PLAA: variants seen among roughly 807,000 people sequenced by gnomAD.
PLAA encodes phospholipase A2 activating protein, also known as phospholipase A-2-activating protein.
Under a neutral mutation model 84.1 loss-of-function variants are expected in PLAA, and 48 were observed. The ratio of observed to expected loss-of-function variants is 0.57; its 90% CI spans 0.45 to 0.73. The LOEUF is 0.73. Among genes scored for constraint, PLAA ranks in the 30% least tolerant of loss-of-function variants. PLAA has a pLI of 0.00. For missense variants in PLAA, 903 were observed against 954.7 expected (o/e 0.95, Z 0.71); for synonymous variants, 392 against 336.6 (o/e 1.16, Z -1.80).
At chr9:26,935,922 A>C (rs1054499580) in intron 1 of PLAA, among the ~76,000 whole-genome samples, 6 of 151,730 alleles carry the variant, frequency 4.0e-5, no homozygotes, top group Non-Finnish European at 7.4e-5. Context: ...TTGCACTGGG[A>C]TTAAAATGAT....
intron 11 of PLAA, 80 bp downstream of exon 11, chr9:26,913,798 CA>C: frequency 9.9e-7 from 1 of 1,006,510 alleles, no homozygotes; most frequent in African/African-American, 1.6e-5. Context: ...GAAAATGACA[CA>C]AATTTTCTTA....
chr9:26,916,543 T>C (rs889187321), intron 10 of PLAA: 21 of 987,068 alleles, frequency 2.1e-5, no homozygotes, highest in Non-Finnish European at 2.5e-5. Flanking sequence ...TTGGGTGGAA[T>C]GTCTCCTTCC....
chr9:26,936,903 G>A (rs1324666599), intron 1 of PLAA, among the ~76,000 whole-genome samples: 2 of 152,162 alleles, frequency 1.3e-5, no homozygotes, highest in Admixed American at 6.5e-5. Context: ...CACTTTGGGA[G>A]GCCGAGGTGG....
At chr9:26,920,419 T>C (rs956077808) in intron 7 of PLAA, 35 bp from the exon 8 acceptor site, 1 of 1,414,752 alleles carries the variant, frequency 7.1e-7, no homozygotes, top group African/African-American at 1.4e-5. Context: ...AAAGGTAGAA[T>C]GGCAATGTAA....
chr9:26,920,945 C>T (rs1249422837), intron 7 of PLAA, among the ~76,000 whole-genome samples: 2 of 152,024 alleles, frequency 1.3e-5, no homozygotes, highest in African/African-American at 2.4e-5. Flanking sequence ...TATATTCCAC[C>T]CAGCAACTTC....
chr9:26,945,056 G>A (rs201113133), intron 1 of PLAA, among the ~76,000 whole-genome samples: 1 of 152,192 alleles, frequency 6.6e-6, no homozygotes, highest in African/African-American at 2.4e-5. Flanking sequence ...GAACCCCGGA[G>A]GCGGAGGTTG....
intron 2 of PLAA, among the ~76,000 whole-genome samples, chr9:26,934,807 T>C (rs1353424825): frequency 6.6e-6 from 1 of 152,158 alleles, no homozygotes; most frequent in Non-Finnish European, 1.5e-5. Context: ...TTTTTACATA[T>C]ATAAGCATAT....
chr9:26,943,216 T>A (rs1825595079), intron 1 of PLAA, among the ~76,000 whole-genome samples: 1 of 152,188 alleles, frequency 6.6e-6, no homozygotes, highest in Non-Finnish European at 1.5e-5. Flanking sequence ...CAATGGCATG[T>A]TGCTGGCTCA....
intron 1 of PLAA, among the ~76,000 whole-genome samples, chr9:26,941,281 T>C (rs1272823564): frequency 1.3e-5 from 2 of 151,902 alleles, no homozygotes; most frequent in Non-Finnish European, 2.9e-5. Context: ...AAAGAAAATC[T>C]TTGAATGGGG....
At chr9:26,908,347 T>C (rs1824302281) in intron 12 of PLAA, among the ~76,000 whole-genome samples, 1 of 151,624 alleles carries the variant, frequency 6.6e-6, no homozygotes, top group African/African-American at 2.4e-5. Flanking sequence ...TTTGTGTTTT[T>C]AGTAGAGACG....
chr9:26,939,464 T>A, intron 1 of PLAA, among the ~76,000 whole-genome samples: 1 of 103,416 alleles, frequency 9.7e-6, no homozygotes. Flanking sequence ...AAGAAGACAG[T>A]AATGCAGGAG....
At chr9:26,941,184 G>T (rs1248929910) in intron 1 of PLAA, among the ~76,000 whole-genome samples, 1 of 150,748 alleles carries the variant, frequency 6.6e-6, no homozygotes, top group East Asian at 1.9e-4. Context: ...CAAAACACGG[G>T]GGGTGGGGGA....
intron 1 of PLAA, among the ~76,000 whole-genome samples, chr9:26,938,457 C>T (rs1358830281): frequency 2.0e-5 from 3 of 150,904 alleles, no homozygotes; most frequent in South Asian, 2.1e-4. Context: ...GAGGCTAAGG[C>T]GAGAGGATCC....
intron 1 of PLAA, among the ~76,000 whole-genome samples, chr9:26,937,267 A>G (rs760292672): frequency 2.0e-5 from 3 of 152,234 alleles, no homozygotes; most frequent in Non-Finnish European, 4.4e-5. Flanking sequence ...TTAGAAAGTG[A>G]AAGTGCATGC....
intron 13 of PLAA, among the ~76,000 whole-genome samples, chr9:26,906,631 T>C (rs1423758775): frequency 3.3e-5 from 5 of 152,038 alleles, no homozygotes; most frequent in African/African-American, 1.2e-4. Context: ...TTTCATCATA[T>C]TGGTCAGGCT....
At chr9:26,925,689 G>C in intron 6 of PLAA, 136 bp downstream of exon 6, 1 of 674,036 alleles carries the variant, frequency 1.5e-6, no homozygotes, top group Non-Finnish European at 2.6e-6. Flanking sequence ...ATCTACTACT[G>C]TTTTGTTTAG....
chr9:26,926,494 T>A lies in PLAA; in HGVS notation c.632A>T (p.Asp211Val). 1 of 1,613,184 alleles carries A rather than the reference T, an allele frequency of 6.2e-7. No individual in the cohort carries two copies. The highest frequency in any genetic ancestry group is 8.5e-7 in the Non-Finnish European group (1 of 1,179,264). Residue 211 changes from aspartate (D) to valine (V), a missense_variant, in exon 5 of 14, where the codon GAT becomes GTT. Coordinates refer to ENST00000397292, the MANE Select transcript of PLAA (RefSeq NM_001031689.3). Reference protein sequence around the residue: ...SETEFLSCANDASIRRWQITG... With the variant: ...SETEFLSCANVASIRRWQITG... The stretch of plus-strand genomic sequence containing the variant: ...GATTTGCCACCTTCTAATACTAGCA[T>A]CATTTGCACAGGAAAGAAATTCTGT...
chr9:26,927,579 G>C (rs1825017198), intron 4 of PLAA, among the ~76,000 whole-genome samples: 1 of 152,250 alleles, frequency 6.6e-6, no homozygotes, highest in East Asian at 1.9e-4. Flanking sequence ...ATTACTATTA[G>C]ATAGCAGATG....
At chr9:26,928,869 C>G (rs749230678) in intron 2 of PLAA, among the ~76,000 whole-genome samples, 1 of 152,196 alleles carries the variant, frequency 6.6e-6, no homozygotes, top group Non-Finnish European at 1.5e-5. Flanking sequence ...GTCTTACTTT[C>G]TTGATGTGAA....
Sources: gnomAD v4.1 joint callset for allele counts (sites outside exome capture counted in the v4.1 genomes callset) on GRCh38, gnomAD v4.1.1 for gene constraint, MANE v1.5 for transcripts, NCBI Gene and HGNC (gene_info 2026-07-23, HGNC 2026-07-21) for gene names.